CARMIL1: variants seen among roughly 807,000 people sequenced by gnomAD.
CARMIL1 encodes the protein F-actin-uncapping protein LRRC16A.
A neutral mutation model predicts 177.1 loss-of-function variants in CARMIL1; 90 were observed. The ratio of observed to expected loss-of-function variants is 0.51; its 90% confidence interval spans 0.43 to 0.61. CARMIL1 has a LOEUF of 0.61. CARMIL1 is among the 20% of genes least tolerant of loss of function. The pLI, the probability that CARMIL1 is intolerant of heterozygous loss-of-function variation, is 0.00. For missense variants in CARMIL1, 1,380 were observed against 1,667.0 expected (o/e 0.83, Z 3.00); for synonymous variants, 577 against 606.2 (o/e 0.95, Z 0.71).
intron 2 of CARMIL1, among the ~76,000 whole-genome samples, chr6:25,313,762 G>A (rs928544627): frequency 1.3e-5 from 2 of 150,222 alleles, no homozygotes; most frequent in Admixed American, 1.3e-4. Flanking sequence ...AAATAAATGC[G>A]TTTTAGAGCT....
At chr6:25,279,939 G>C in intron 1 of CARMIL1, 104 bp downstream of exon 1, 1 of 1,326,870 alleles carries the variant, frequency 7.5e-7, no homozygotes. Flanking sequence ...AAGTCTTGGC[G>C]CCCCTTAGGG....
At chr6:25,359,250 C>T (rs1788948065) in intron 2 of CARMIL1, among the ~76,000 whole-genome samples, 1 of 152,204 alleles carries the variant, frequency 6.6e-6, no homozygotes, top group Non-Finnish European at 1.5e-5. Flanking sequence ...TGTGCTGACA[C>T]CCATTCAGCC....
chr6:25,505,293 G>A (rs1186136488), intron 17 of CARMIL1, among the ~76,000 whole-genome samples: 1 of 152,156 alleles, frequency 6.6e-6, no homozygotes, highest in African/African-American at 2.4e-5. Flanking sequence ...TAAAGATTTA[G>A]TGTCAGTACA....
chr6:25,418,152 A>T lies in CARMIL1; in HGVS notation c.139-1962A>T, dbSNP rs1472954389. ...GAATGTAAGTCTTTCTGATTCCAAA[A>T]TTCAAGCTAGTAGGTTGACCAACAG... is the stretch of plus-strand genomic sequence containing the variant. On this transcript the variant is annotated intron_variant, in intron 2 of 36. Transcript: ENST00000329474. Among the ~76,000 whole-genome samples, 6 of 152,286 alleles carry T rather than the reference A, an allele frequency of 3.9e-5. No homozygotes were observed. In the East Asian group the frequency reaches 9.7e-4, roughly 25 times the overall value.
chr6:25,491,296 T>G (rs1417342357), intron 13 of CARMIL1, among the ~76,000 whole-genome samples: 1 of 152,208 alleles, frequency 6.6e-6, no homozygotes, highest in Admixed American at 6.5e-5. Flanking sequence ...GAAGAGAGGA[T>G]AGCCTGAGAC....
chr6:25,372,986 A>G (rs763129559), intron 2 of CARMIL1, among the ~76,000 whole-genome samples: 24 of 152,302 alleles, frequency 1.6e-4, no homozygotes, highest in Non-Finnish European at 3.1e-4. Flanking sequence ...CTTTTTCTGC[A>G]TCTATTAAGA....
chr6:25,451,752 C>CA (rs1328850024), intron 8 of CARMIL1, among the ~76,000 whole-genome samples: 1 of 152,004 alleles, frequency 6.6e-6, no homozygotes, highest in Non-Finnish European at 1.5e-5. Flanking sequence ...TTATTAGTAG[C>CA]AGGGGTAGCA....
At position 25,507,199 on chromosome 6, in the gene CARMIL1, AT is replaced by A. The variant is rs569684411; in HGVS notation, c.1396-2454del. Among the ~76,000 whole-genome samples, 17 of 152,286 alleles carry A rather than the reference AT, an allele frequency of 1.1e-4. No individual in the cohort carries two copies. In the East Asian group the frequency reaches 3.3e-3, roughly 29 times the overall value. ...TGCAAATTCATTTAAAAGGATTTTCATTTACAGTAATGGAAAAGCTTTTACT... is the reference window on the plus strand; with the variant it reads ...TGCAAATTCATTTAAAAGGATTTTCATTACAGTAATGGAAAAGCTTTTACT... On this transcript the variant is annotated intron_variant, in intron 17 of 36. Transcript: ENST00000329474.
intron 26 of CARMIL1, among the ~76,000 whole-genome samples, chr6:25,548,798 G>C (rs1809776203): frequency 6.6e-6 from 1 of 152,202 alleles, no homozygotes; most frequent in African/African-American, 2.4e-5. Context: ...TAGGAAACAA[G>C]AGTAGGAAAC....
At chr6:25,289,433 A>G (rs952397470) in intron 2 of CARMIL1, among the ~76,000 whole-genome samples, 1 of 152,226 alleles carries the variant, frequency 6.6e-6, no homozygotes, top group Non-Finnish European at 1.5e-5. Flanking sequence ...GTCTGCAGTT[A>G]TATCAGATAA....
chr6:25,360,967 T>A (rs1244163939), intron 2 of CARMIL1, among the ~76,000 whole-genome samples: 2 of 152,206 alleles, frequency 1.3e-5, no homozygotes, highest in African/African-American at 4.8e-5. Flanking sequence ...CCCATTTTGT[T>A]TTCAAACATG....
intron 2 of CARMIL1, among the ~76,000 whole-genome samples, chr6:25,375,580 T>C (rs988812355): frequency 9.2e-5 from 14 of 152,200 alleles, no homozygotes; most frequent in African/African-American, 3.4e-4. Flanking sequence ...CTCAAATAAG[T>C]TTCCCAAATT....
At chr6:25,572,702 CAAAA>C (rs35085655) in intron 29 of CARMIL1, among the ~76,000 whole-genome samples, 2 of 53,198 alleles carry the variant, frequency 3.8e-5, no homozygotes, top group Admixed American at 4.8e-4. Flanking sequence ...GACCTTGTCT[CAAAA>C]AAAAAAAAAA....
intron 8 of CARMIL1, among the ~76,000 whole-genome samples, chr6:25,459,250 CTTTCTTTCTTTCTTTCTT>C (rs1799848602): frequency 8.9e-6 from 1 of 111,944 alleles, no homozygotes. Context: ...TTCTTTCTTT[CTTTCTTTCTTTCTTTCTT>C]TTTTTTTTTT....
intron 33 of CARMIL1, among the ~76,000 whole-genome samples, chr6:25,604,045 T>C (rs1358379695): frequency 6.6e-6 from 1 of 152,208 alleles, no homozygotes; most frequent in Non-Finnish European, 1.5e-5. Flanking sequence ...TCATTGAGGT[T>C]GGAAAGGTTT....
At chr6:25,508,249 C>T (rs1002155923) in intron 17 of CARMIL1, among the ~76,000 whole-genome samples, 5 of 152,162 alleles carry the variant, frequency 3.3e-5, no homozygotes, top group Admixed American at 1.3e-4. Flanking sequence ...GCCTGGCAGT[C>T]AGTCTTGACA....
chr6:25,305,268 A>G (rs1194135850), intron 2 of CARMIL1, among the ~76,000 whole-genome samples: 1 of 152,202 alleles, frequency 6.6e-6, no homozygotes, highest in Non-Finnish European at 1.5e-5. Context: ...TTTAGTTAAT[A>G]GTGTGGGGCT....
Position 25,620,403 on chromosome 6 carries a change from T to G in CARMIL1, c.*820T>G, listed in dbSNP as rs1377719153. The G allele has an allele frequency of 6.6e-6, 1 of 152,242 alleles. No homozygotes were observed. The highest frequency in any genetic ancestry group is 2.4e-5 in the African/African-American group (1 of 41,460). The allele number at this position is 152,242 out of a possible 1,614,324, so 9.4% of individuals were successfully genotyped here. Reference sequence around the variant, plus strand: ...AATGTGTGATTTTAAGAGAGAATACTTTGACACCTGTAAAAATCAAAATAC... The same window carrying G: ...AATGTGTGATTTTAAGAGAGAATACGTTGACACCTGTAAAAATCAAAATAC... On this transcript the variant is annotated 3_prime_UTR_variant, in exon 37 of 37. Transcript: ENST00000329474.
intron 2 of CARMIL1, among the ~76,000 whole-genome samples, chr6:25,357,515 C>T (rs539619281): frequency 1.3e-5 from 2 of 152,302 alleles, no homozygotes; most frequent in Admixed American, 6.5e-5. Flanking sequence ...ACCTGGGAAG[C>T]AGAGGTTGCA....
Sources: allele counts gnomAD v4.1 joint callset (sites outside exome capture counted in the v4.1 genomes callset), GRCh38; gene constraint gnomAD v4.1.1; transcripts MANE v1.5; gene names NCBI Gene and HGNC (gene_info 2026-07-23, HGNC 2026-07-21).